The following SLC35F3 variants were observed in gnomAD, a reference collection of about 807,000 sequenced individuals.
The protein encoded by SLC35F3 is solute carrier family 35 member F3.
SLC35F3 carries 25 observed loss-of-function variants against 49.9 expected under a neutral mutation model. The observed-to-expected ratio is 0.50, with a 90% CI of 0.37 to 0.70. The LOEUF is 0.70. SLC35F3 is among the 30% of genes least tolerant of loss of function. The pLI, the probability that SLC35F3 is intolerant of heterozygous loss-of-function variation, is 0.00. For synonymous variants in SLC35F3, 275 were observed against 265.4 expected (o/e 1.04, Z -0.35); for missense variants, 525 against 639.8 (o/e 0.82, Z 1.94).
At position 234,062,887 on chromosome 1, in the gene SLC35F3, C is replaced by T. The variant is rs1051115524; in HGVS notation, c.283+157129C>T. Among the ~76,000 whole-genome samples the T allele has an allele frequency of 2.8e-5, 4 of 141,746 alleles. No individual in the cohort carries two copies. The South Asian group carries it at 6.7e-4, about 24-fold the overall frequency. The allele number at this position is 141,746 out of a possible 152,430, so 93.0% of individuals were successfully genotyped here. A position where few individuals can be genotyped will look rare whatever the true frequency, so the allele number is the denominator to read the frequency against. On this transcript the variant is annotated intron_variant, in intron 2 of 7. Transcript: ENST00000366618. Reference sequence around the variant, plus strand: ...TGTATTTTTAGTAGAGACGTGGTTTCACCGTGTTCACCGGGATGGTCTCGA... The same window carrying T: ...TGTATTTTTAGTAGAGACGTGGTTTTACCGTGTTCACCGGGATGGTCTCGA...
At chr1:234,204,254 A>G (rs541181473) in intron 2 of SLC35F3, among the ~76,000 whole-genome samples, 3 of 152,300 alleles carry the variant, frequency 2.0e-5, no homozygotes, top group East Asian at 1.9e-4. Flanking sequence ...GAACTTTGAT[A>G]TATATTATCA....
At chr1:234,111,154 A>T (rs1190885298) in intron 2 of SLC35F3, among the ~76,000 whole-genome samples, 1 of 152,058 alleles carries the variant, frequency 6.6e-6, no homozygotes, top group Non-Finnish European at 1.5e-5. Flanking sequence ...AGTGAATTTA[A>T]TTTTTAATTA....
intron 3 of SLC35F3, among the ~76,000 whole-genome samples, chr1:234,287,737 C>G (rs1237455739): frequency 6.6e-6 from 1 of 152,174 alleles, no homozygotes; most frequent in Non-Finnish European, 1.5e-5. Context: ...AATGAAGGGC[C>G]ACTGCAGTGT....
intron 2 of SLC35F3, among the ~76,000 whole-genome samples, chr1:234,177,077 T>C (rs1013649020): frequency 6.6e-6 from 1 of 152,220 alleles, no homozygotes; most frequent in African/African-American, 2.4e-5. Flanking sequence ...GAGTGAATCA[T>C]GCAGGTAGGT....
chr1:234,309,397 C>A, intron 4 of SLC35F3, 77 bp downstream of exon 4: 2 of 1,272,970 alleles, frequency 1.6e-6, no homozygotes, highest in East Asian at 2.4e-5. Context: ...TGCTTAGCTC[C>A]ATGTGCTGGA....
intron 2 of SLC35F3, among the ~76,000 whole-genome samples, chr1:233,942,870 C>T (rs1662451016): frequency 6.6e-6 from 1 of 152,188 alleles, no homozygotes; most frequent in Non-Finnish European, 1.5e-5. Context: ...TCCCTCTCCC[C>T]AGCCCCTGGC....
intron 2 of SLC35F3, among the ~76,000 whole-genome samples, chr1:234,004,169 A>G (rs758456876): frequency 1.1e-4 from 16 of 152,206 alleles, no homozygotes; most frequent in Non-Finnish European, 2.4e-4. Flanking sequence ...CTACATCATT[A>G]TAACAGCAAA....
rs1470090954 is a variant in SLC35F3, at chr1:234,214,640, G to A, written c.284-16777G>A. Reference sequence around the variant, plus strand: ...AGCCGGGGAATGCTGCCACCCTGAGGGGGGCTGTCTGGCTGCGGGGCGCCG... The same window carrying A: ...AGCCGGGGAATGCTGCCACCCTGAGAGGGGCTGTCTGGCTGCGGGGCGCCG... On this transcript the variant is annotated intron_variant, in intron 2 of 7. Transcript: ENST00000366618. This position sits in a 1 kb window ranked among gnomAD's most constrained non-coding sequence, Gnocchi z 8.0. 1.0e-5 allele frequency: 15 copies of A among 1,488,516 alleles called. No individual in the cohort carries two copies. Among genetic ancestry groups the A allele is most frequent in the Non-Finnish European group, 1.3e-5 (15 of 1,115,418 alleles). The allele number at this position is 1,488,516 out of a possible 1,614,324, so 92.2% of individuals were successfully genotyped here.
chr1:234,244,609 T>G (rs1667602413), intron 3 of SLC35F3, among the ~76,000 whole-genome samples: 1 of 151,400 alleles, frequency 6.6e-6, no homozygotes, highest in African/African-American at 2.4e-5. Context: ...AAGAAGTGCT[T>G]GATTATCACT....
At chr1:234,230,481 A>G (rs756317093) in intron 2 of SLC35F3, among the ~76,000 whole-genome samples, 8 of 152,254 alleles carry the variant, frequency 5.3e-5, no homozygotes, top group African/African-American at 1.9e-4. Flanking sequence ...ATAAAAGGCA[A>G]GTACACTGCC....
intron 2 of SLC35F3, among the ~76,000 whole-genome samples, chr1:234,097,592 C>A (rs745620143): frequency 1.3e-5 from 2 of 152,146 alleles, no homozygotes; most frequent in African/African-American, 4.8e-5. Context: ...TCACTGCATA[C>A]TGCCTAATAC....
chr1:234,315,188 A>G (rs1185212882), intron 4 of SLC35F3, among the ~76,000 whole-genome samples: 1 of 152,220 alleles, frequency 6.6e-6, no homozygotes, highest in Non-Finnish European at 1.5e-5. Context: ...CTCTTACACG[A>G]CAACCACCTG....
chr1:234,272,144 ATG>A (rs1343971074), intron 3 of SLC35F3, among the ~76,000 whole-genome samples: 3 of 152,110 alleles, frequency 2.0e-5, no homozygotes, highest in Non-Finnish European at 4.4e-5. Flanking sequence ...AAAGAAACAA[ATG>A]TGTGAAGACA....
At chr1:234,246,488 C>T (rs999226316) in intron 3 of SLC35F3, among the ~76,000 whole-genome samples, 44 of 152,180 alleles carry the variant, frequency 2.9e-4, no homozygotes, top group African/African-American at 1.0e-3. Flanking sequence ...ATAAATTATT[C>T]AGAGAGTGGA....
At chr1:234,240,611 A>T (rs990149482) in intron 3 of SLC35F3, among the ~76,000 whole-genome samples, 39 of 152,288 alleles carry the variant, frequency 2.6e-4, no homozygotes, top group Admixed American at 4.6e-4. Flanking sequence ...TCTGAAAAAA[A>T]AAAATAAAAA....
At chr1:234,154,653 A>G (rs539873766) in intron 2 of SLC35F3, among the ~76,000 whole-genome samples, 1 of 152,258 alleles carries the variant, frequency 6.6e-6, no homozygotes. Flanking sequence ...AATAGTTATC[A>G]TAACTAAAAT....
intron 2 of SLC35F3, among the ~76,000 whole-genome samples, chr1:233,907,564 A>G (rs1571973961): frequency 6.6e-6 from 1 of 152,216 alleles, no homozygotes; most frequent in East Asian, 1.9e-4. Flanking sequence ...TATTCCTGTG[A>G]GGATTCTTCT....
At chr1:233,934,148 A>G (rs2102795325) in intron 2 of SLC35F3, among the ~76,000 whole-genome samples, 1 of 152,336 alleles carries the variant, frequency 6.6e-6, no homozygotes, top group Admixed American at 6.5e-5. Flanking sequence ...GTATGTCTTT[A>G]GGTTCAGAAG....
At chr1:234,265,741 C>T (rs186111112) in intron 3 of SLC35F3, among the ~76,000 whole-genome samples, 1 of 152,302 alleles carries the variant, frequency 6.6e-6, no homozygotes, top group East Asian at 1.9e-4. Flanking sequence ...CTCCCCTACT[C>T]AAACCCCTGT....
Sources: allele counts gnomAD v4.1 joint callset (sites outside exome capture counted in the v4.1 genomes callset), GRCh38; gene constraint gnomAD v4.1.1; non-coding constraint Gnocchi (gnomAD v3.1); transcripts MANE v1.5; gene names NCBI Gene and HGNC (gene_info 2026-07-23, HGNC 2026-07-21).